The following ZNF529 variants were observed in gnomAD, a reference collection of about 807,000 sequenced individuals.
ZNF529 encodes the protein zinc finger protein 529.
A neutral mutation model predicts 10.1 loss-of-function variants in ZNF529; 11 were observed. The observed-to-expected ratio is 1.09, with a 90% CI of 0.69 to 1.81. ZNF529 has a LOEUF of 1.81. Ranked by LOEUF, ZNF529 falls within the 40% of genes most tolerant of loss-of-function variation. ZNF529 has a pLI of 0.00. For missense variants in ZNF529, 624 were observed against 666.8 expected, an observed-to-expected ratio of 0.94 and a Z score of 0.71; for synonymous variants, 204 against 215.7, an observed-to-expected ratio of 0.95 and a Z score of 0.47.
At chr19:36,601,493 A>G (rs2036923093) in intron 1 of ZNF529, among the ~76,000 whole-genome samples, 1 of 152,084 alleles carries the variant, frequency 6.6e-6, no homozygotes, top group African/African-American at 2.4e-5. Context: ...TCCAGGCTGT[A>G]GTGAGCTATG....
chr19:36,605,520 C>T (rs1392380624), upstream of ZNF529: 1 of 152,284 alleles, frequency 6.6e-6, no homozygotes, highest in Non-Finnish European at 1.5e-5. Flanking sequence ...ACGCTCCGAT[C>T]TGTACGAGCC....
intron 2 of ZNF529, among the ~76,000 whole-genome samples, chr19:36,585,530 T>C (rs902598990): frequency 2.0e-5 from 3 of 152,220 alleles, no homozygotes; most frequent in Non-Finnish European, 4.4e-5. Flanking sequence ...CATCTGTAAA[T>C]GGAGGGAATA....
intron 2 of ZNF529, chr19:36,582,831 G>C (rs959207555): frequency 1.3e-5 from 2 of 151,584 alleles, no homozygotes; most frequent in Non-Finnish European, 2.9e-5. Context: ...TAAATCCCTA[G>C]TAAGCATAAT....
At chr19:36,586,902 G>T (rs537428761) in intron 2 of ZNF529, among the ~76,000 whole-genome samples, 7 of 152,244 alleles carry the variant, frequency 4.6e-5, no homozygotes, top group African/African-American at 1.7e-4. Flanking sequence ...TATGTATAAG[G>T]TTTCTATATT....
chr19:36,548,182 T>G lies in ZNF529; in HGVS notation c.376A>C (p.Lys126Gln), dbSNP rs1568573842. The change falls in exon 5 of 5, where the codon AAA becomes CAA. Residue 126 changes from lysine to glutamine, a missense_variant. Coordinates refer to ENST00000591340, the MANE Select transcript of ZNF529 (RefSeq NM_020951.5). ...GGTCCTTGTAAGTCAATCTTGCTTT[T>G]GCTTTGCCAGTCATTTCTGAAAATG... Reference protein sequence around the residue: ...GSIFRNDWQSKSKIDLQGPEV... With the variant: ...GSIFRNDWQSQSKIDLQGPEV... 1 of 1,613,926 alleles carries G rather than the reference T, an allele frequency of 6.2e-7. No homozygotes were observed. Among genetic ancestry groups the G allele is most frequent in the Non-Finnish European group, 8.5e-7 (1 of 1,179,864 alleles).
At chr19:36,584,651 C>T (rs989776326) in intron 2 of ZNF529, among the ~76,000 whole-genome samples, 2 of 151,576 alleles carry the variant, frequency 1.3e-5, no homozygotes, top group African/African-American at 4.9e-5. Context: ...CCTGTGATCC[C>T]AACTACTCAG....
intron 1 of ZNF529, among the ~76,000 whole-genome samples, chr19:36,600,468 T>C (rs928872286): frequency 6.6e-6 from 1 of 152,228 alleles, no homozygotes; most frequent in Admixed American, 6.5e-5. Context: ...TGATATTCCA[T>C]CTTATATTTT....
At chr19:36,603,227 C>T (rs2036957723) in intron 1 of ZNF529, among the ~76,000 whole-genome samples, 2 of 152,196 alleles carry the variant, frequency 1.3e-5, no homozygotes, top group African/African-American at 2.4e-5. Flanking sequence ...CGTAACAAAT[C>T]ACCGTGTGAA....
At chr19:36,583,692 TAATG>T (rs893882884) in intron 2 of ZNF529, among the ~76,000 whole-genome samples, 76 of 152,136 alleles carry the variant, frequency 5.0e-4, no homozygotes, top group African/African-American at 1.8e-3. Context: ...AAAAAACTCA[TAATG>T]AAAGCATAAT....
At chr19:36,562,113 C>T (rs896065971) in intron 2 of ZNF529, among the ~76,000 whole-genome samples, 7 of 152,062 alleles carry the variant, frequency 4.6e-5, no homozygotes, top group Admixed American at 4.6e-4. Flanking sequence ...TGGTGCATGC[C>T]TGTAATCCCA....
At chr19:36,559,617 C>T (rs914008847) in intron 2 of ZNF529, among the ~76,000 whole-genome samples, 1 of 152,156 alleles carries the variant, frequency 6.6e-6, no homozygotes, top group African/African-American at 2.4e-5. Flanking sequence ...AAGTCAGTAA[C>T]TTGAAGAGAT....
intron 4 of ZNF529, among the ~76,000 whole-genome samples, chr19:36,552,955 G>T (rs761531327): frequency 6.6e-6 from 1 of 152,138 alleles, no homozygotes; most frequent in African/African-American, 2.4e-5. Flanking sequence ...CAGTATAATA[G>T]TTAAAAAATA....
At chr19:36,578,053 G>A (rs957559289), upstream of ZNF529, 1 of 143,306 alleles carries the variant, frequency 7.0e-6, no homozygotes, top group Non-Finnish European at 1.5e-5. Context: ...AAAGAGTGTG[G>A]GGGAGATTTT....
chr19:36,561,863 T>C (rs186108375), intron 2 of ZNF529, among the ~76,000 whole-genome samples: 2 of 152,246 alleles, frequency 1.3e-5, no homozygotes, highest in Admixed American at 6.5e-5. Context: ...TAAAGGTTTA[T>C]TGTTGTTTGC....
chr19:36,550,073 G>A (rs924961011), intron 4 of ZNF529, among the ~76,000 whole-genome samples: 1 of 152,086 alleles, frequency 6.6e-6, no homozygotes, highest in Non-Finnish European at 1.5e-5. Flanking sequence ...GAATGCCTGA[G>A]GAAAACTCAG....
chr19:36,582,472 G>A (rs1469291702), intron 2 of ZNF529: 2 of 152,154 alleles, frequency 1.3e-5, no homozygotes, highest in African/African-American at 2.4e-5. Flanking sequence ...GTGGGAGGCT[G>A]AGACGGGCAG....
Position 36,546,578 on chromosome 19 carries a change from C to A in ZNF529, c.*288G>T. On this transcript the variant is annotated 3_prime_UTR_variant, in exon 5 of 5. Coordinates refer to ENST00000591340, the MANE Select transcript of ZNF529 (RefSeq NM_020951.5). ...TTAAAAAACTGAATAGTCAAAAGAGCAATAATACAAACATCAAAAGCTATT... is the reference window on the plus strand; with the variant it reads ...TTAAAAAACTGAATAGTCAAAAGAGAAATAATACAAACATCAAAAGCTATT... The A allele has an allele frequency of 3.4e-6, 1 of 294,606 alleles. No homozygotes were observed. 18.2% of individuals were successfully genotyped at this position (294,606 alleles called of 1,614,324 possible).
intron 2 of ZNF529, among the ~76,000 whole-genome samples, chr19:36,584,201 A>G (rs943335628): frequency 1.1e-4 from 17 of 152,208 alleles, no homozygotes; most frequent in African/African-American, 4.1e-4. Context: ...CAGGAGAATA[A>G]TACCTTCAAA....
intron 2 of ZNF529, among the ~76,000 whole-genome samples, chr19:36,557,944 G>T (rs2035543595): frequency 6.6e-6 from 1 of 152,110 alleles, no homozygotes; most frequent in Non-Finnish European, 1.5e-5. Flanking sequence ...ATGTAGGTAT[G>T]ATCATAATGT....
Sources: allele counts gnomAD v4.1 joint callset (sites outside exome capture counted in the v4.1 genomes callset), GRCh38; gene constraint gnomAD v4.1.1; transcripts MANE v1.5; gene names NCBI Gene and HGNC (gene_info 2026-07-23, HGNC 2026-07-21).